WBP1L: variants seen among roughly 807,000 people sequenced by gnomAD.
The protein encoded by WBP1L is WW domain binding protein 1-like.
A neutral mutation model predicts 33.7 loss-of-function variants in WBP1L; 17 were observed. The observed-to-expected ratio is 0.50, with a 90% CI of 0.34 to 0.76. WBP1L has a LOEUF of 0.76. Among genes scored for constraint, WBP1L ranks in the 30% least tolerant of loss-of-function variants. WBP1L has a pLI of 0.01. For synonymous variants in WBP1L, 173 were observed against 190.8 expected (o/e 0.91, Z 0.77); for missense variants, 389 against 469.4 (o/e 0.83, Z 1.58).
In WBP1L at chr10:102,804,885, C is replaced by T. The variant is rs549012935; in HGVS notation, c.194-5008C>T. ...GGGTCAGGAAGTTCAAGCCTACCCACATGCCTAGAAGGAGAAGAAGCAGAA... is the reference window on the plus strand; with the variant it reads ...GGGTCAGGAAGTTCAAGCCTACCCATATGCCTAGAAGGAGAAGAAGCAGAA... On this transcript the variant is annotated intron_variant, in intron 2 of 3. Coordinates refer to ENST00000448841, the MANE Select transcript of WBP1L (RefSeq NM_001083913.2). 4.6e-5 allele frequency among the ~76,000 whole-genome samples: 7 copies of T among 152,284 alleles called. No individual in the cohort carries two copies. The East Asian group carries it at 9.6e-4, about 21-fold the overall frequency.
chr10:102,810,814 G>A (rs560032440), intron 3 of WBP1L, among the ~76,000 whole-genome samples: 5 of 151,328 alleles, frequency 3.3e-5, no homozygotes. Context: ...TGATCTGCTC[G>A]TCTCGGCCTC....
chr10:102,808,691 G>A (rs1843778172), intron 2 of WBP1L, among the ~76,000 whole-genome samples: 1 of 152,214 alleles, frequency 6.6e-6, no homozygotes, highest in African/African-American at 2.4e-5. Flanking sequence ...TGGACCTGAG[G>A]CAATTAGAAT....
Position 102,771,813 on chromosome 10 carries a change from A to G in WBP1L, c.91-26180A>G, listed in dbSNP as rs998787344. Among the ~76,000 whole-genome samples the G allele has an allele frequency of 1.4e-4, 21 of 149,822 alleles. 1 individual carries two copies. Among genetic ancestry groups the G allele is most frequent in the Admixed American group, 6.6e-5 (1 of 15,086 alleles). On this transcript the variant is annotated intron_variant, in intron 1 of 3. Coordinates refer to ENST00000448841, the MANE Select transcript of WBP1L (RefSeq NM_001083913.2). ...ACAGAGTGAGACTCTGTCTCAAGAA[A>G]AAAAAAAAAAAGTTAATCTGAATCC...
chr10:102,785,650 CTG>C (rs1433003736), intron 1 of WBP1L, among the ~76,000 whole-genome samples: 1 of 152,236 alleles, frequency 6.6e-6, no homozygotes, highest in African/African-American at 2.4e-5. Context: ...ATGGCACCAA[CTG>C]TGAGTGGATG....
At chr10:102,806,188 C>T (rs528419442) in intron 2 of WBP1L, among the ~76,000 whole-genome samples, 4 of 150,398 alleles carry the variant, frequency 2.7e-5, no homozygotes, top group South Asian at 2.1e-4. Flanking sequence ...CCAGCCTAAG[C>T]GACAGAATGA....
At chr10:102,782,284 A>C (rs752059506) in intron 1 of WBP1L, among the ~76,000 whole-genome samples, 18 of 138,298 alleles carry the variant, frequency 1.3e-4, no homozygotes, top group Non-Finnish European at 2.7e-4. Flanking sequence ...ATCAGAGCAA[A>C]GAGAAAGTGT....
intron 1 of WBP1L, among the ~76,000 whole-genome samples, chr10:102,784,882 T>C (rs1843393101): frequency 1.0e-5 from 1 of 97,820 alleles, no homozygotes; most frequent in South Asian, 2.7e-4. Context: ...CTTTTTTTTT[T>C]TTTTTTAGGG....
chr10:102,785,702 A>C (rs1349802647), intron 1 of WBP1L, among the ~76,000 whole-genome samples: 2 of 152,150 alleles, frequency 1.3e-5, no homozygotes, highest in South Asian at 2.1e-4. Flanking sequence ...CCTGAGTGCC[A>C]CCTGCTACTC....
At chr10:102,810,491 C>CTCCTTCCTTCCTTCCT (rs796637182) in intron 3 of WBP1L, among the ~76,000 whole-genome samples, 1 of 81,598 alleles carries the variant, frequency 1.2e-5, no homozygotes, top group Non-Finnish European at 2.3e-5. Flanking sequence ...CCTTCCTTCC[C>CTCCTTCCTTCCTTCCT]TCCTTCCTTC....
At chr10:102,748,660 C>A (rs1291217686) in intron 1 of WBP1L, among the ~76,000 whole-genome samples, 1 of 152,104 alleles carries the variant, frequency 6.6e-6, no homozygotes, top group Non-Finnish European at 1.5e-5. Flanking sequence ...ATTGCTAGGC[C>A]CTGGGAACCA....
At chr10:102,775,004 C>T (rs1296632748) in intron 1 of WBP1L, among the ~76,000 whole-genome samples, 9 of 150,918 alleles carry the variant, frequency 6.0e-5, no homozygotes, top group African/African-American at 2.0e-4. Flanking sequence ...GGTACCAGCT[C>T]CTTGGGAGGC....
chr10:102,812,915 G>T lies in WBP1L; in HGVS notation c.676G>T (p.Glu226Ter). The stretch of plus-strand genomic sequence containing the variant: ...CAGTGGCTCTGTGGCTGGCCTGGGG[G>T]AGCTGGACCCGGGGGCCTTCCTGGA... ...EPSGSVAGLGELDPGAFLDKD... is the reference protein window; with the variant it reads ...EPSGSVAGLG The change falls in exon 4 of 4, where the codon GAG becomes TAG. Residue 226 changes from glutamate (E) to a stop codon, truncating the protein, a stop_gained. Transcript: ENST00000448841. LOFTEE classifies it high-confidence loss of function. The T allele has an allele frequency of 6.3e-7, 1 of 1,585,284 alleles. No individual in the cohort carries two copies. Among genetic ancestry groups the T allele is most frequent in the Non-Finnish European group, 8.6e-7 (1 of 1,163,206 alleles).
At chr10:102,804,960 GAAAACAAAACAAAAC>G (rs58622505) in intron 2 of WBP1L, among the ~76,000 whole-genome samples, 3 of 151,798 alleles carry the variant, frequency 2.0e-5, no homozygotes, top group African/African-American at 7.3e-5. Flanking sequence ...TTAAAACGGG[GAAAACAAAACAAAAC>G]AAAACAAAAC....
intron 1 of WBP1L, among the ~76,000 whole-genome samples, chr10:102,766,118 A>G (rs1843104541): frequency 6.6e-6 from 1 of 151,910 alleles, no homozygotes; most frequent in African/African-American, 2.4e-5. Context: ...TTGGCAACAT[A>G]GGAAGACCCT....
chr10:102,758,998 G>C (rs1228276576), intron 1 of WBP1L, among the ~76,000 whole-genome samples: 1 of 152,210 alleles, frequency 6.6e-6, no homozygotes, highest in Non-Finnish European at 1.5e-5. Context: ...GAGTACGGGA[G>C]GAGCATGAAA....
intron 1 of WBP1L, among the ~76,000 whole-genome samples, chr10:102,764,538 A>G (rs1262910510): frequency 6.6e-6 from 1 of 152,170 alleles, no homozygotes; most frequent in Admixed American, 6.5e-5. Flanking sequence ...GTGGGCGGCC[A>G]TTATATGACA....
chr10:102,793,247 C>T (rs1344997905), intron 1 of WBP1L, among the ~76,000 whole-genome samples: 1 of 152,030 alleles, frequency 6.6e-6, no homozygotes, highest in Non-Finnish European at 1.5e-5. Flanking sequence ...TTGAGATCTG[C>T]CTGAGCAACA....
rs753251081 is a variant in WBP1L, at chr10:102,809,882, C to T, written c.194-11C>T. The T allele has an allele frequency of 1.6e-5, 25 of 1,604,934 alleles. No homozygotes were observed. Among genetic ancestry groups the T allele is most frequent in the Middle Eastern group, 1.7e-4 (1 of 5,954 alleles). ...TGTGTGCCTCTCTGTCTTGCCTTGC[C>T]CACCCCCCAGGGTTCTGGCTGGTGT... On this transcript the variant is annotated splice_polypyrimidine_tract_variant and intron_variant, in intron 2 of 3. Coordinates refer to ENST00000448841, the MANE Select transcript of WBP1L (RefSeq NM_001083913.2).
intron 1 of WBP1L, among the ~76,000 whole-genome samples, chr10:102,787,796 G>A (rs1409292721): frequency 1.3e-5 from 2 of 151,938 alleles, no homozygotes; most frequent in African/African-American, 4.8e-5. Context: ...AACCAATAGT[G>A]GTCAGGCACG....
Sources: gnomAD v4.1 joint callset for allele counts (sites outside exome capture counted in the v4.1 genomes callset) on GRCh38, gnomAD v4.1.1 for gene constraint, MANE v1.5 for transcripts, NCBI Gene and HGNC (gene_info 2026-07-23, HGNC 2026-07-21) for gene names.